Variants in IFIT1B observed in about 807,000 individuals in gnomAD.
The protein encoded by IFIT1B is interferon induced protein with tetratricopeptide repeats 1B.
A neutral mutation model predicts 2.5 loss-of-function variants in IFIT1B; 3 were observed. The observed-to-expected ratio is 1.21, with a 90% confidence interval of 0.55 to 3.14. The LOEUF (loss-of-function observed/expected upper bound fraction) is 3.14, where lower values mean the gene tolerates loss of function less well. Ranked by LOEUF, IFIT1B falls within the 30% of genes most tolerant of loss-of-function variation. IFIT1B has a pLI of 0.03. For missense variants in IFIT1B, 545 were observed against 556.5 expected, an observed-to-expected ratio of 0.98 and a Z score of 0.21; for synonymous variants, 196 against 203.0, an observed-to-expected ratio of 0.97 and a Z score of 0.29.
Position 89,384,067 on chromosome 10 carries a change from T to C in IFIT1B, c.754T>C (p.Tyr252His). ...EALTSISSQA[Y>H]VFQYAAKFYR... is the part of the protein sequence containing the mutation. ...TCTGACCAGTATATCTTCACAGGCC[T>C]ATGTCTTTCAATATGCAGCCAAGTT... Residue 252 changes from tyrosine (Y) to histidine (H), a missense_variant, in exon 2 of 2, where the codon TAT (tyrosine) becomes CAT (histidine). Physicochemically the swap from Tyr to His is moderately conservative, Grantham distance 83. Transcript: ENST00000371809. 1 of 1,614,224 alleles carries C rather than the reference T, an allele frequency of 6.2e-7. No homozygotes were observed. Among genetic ancestry groups the C allele is most frequent in the Non-Finnish European group, 8.5e-7 (1 of 1,180,034 alleles).
Position 89,384,214 on chromosome 10 carries a change from C to T in IFIT1B, c.901C>T (p.Gln301Ter), listed in dbSNP as rs1844186029. The change falls in exon 2 of 2, where the codon CAA becomes TAA. Residue 301 changes from glutamine to a stop codon, truncating the protein, a stop_gained. Coordinates refer to ENST00000371809, the MANE Select transcript of IFIT1B (RefSeq NM_001010987.2). LOFTEE classifies it low-confidence loss of function (END_TRUNC). ...GCTTTGCTACAGGGCACAAATGATC[C>T]AAATCAAGGAAGCTACAAACTGGCA... The part of the protein sequence containing the change: ...MGLCYRAQMI[Q>*]IKEATNWQPR... The T allele has an allele frequency of 6.2e-7, 1 of 1,614,132 alleles. No individual in the cohort carries two copies. Among genetic ancestry groups the T allele is most frequent in the Non-Finnish European group, 8.5e-7 (1 of 1,179,996 alleles).
rs1459623949 is a variant in IFIT1B, at chr10:89,383,962, G to C, written c.649G>C (p.Val217Leu). The C allele has an allele frequency of 6.2e-7, 1 of 1,614,220 alleles. No homozygotes were observed. Among genetic ancestry groups the C allele is most frequent in the Non-Finnish European group, 8.5e-7 (1 of 1,180,048 alleles). Residue 217 changes from valine to leucine, a missense_variant, in exon 2 of 2, where the codon GTA becomes CTA. Coordinates refer to ENST00000371809, the MANE Select transcript of IFIT1B (RefSeq NM_001010987.2). Reference protein sequence around the residue: ...KRAVRLNPDDVYIRVLLALKL... With the variant: ...KRAVRLNPDDLYIRVLLALKL... ...AGCTGTCAGGCTAAATCCAGATGAT[G>C]TATATATTAGGGTTCTCCTTGCCCT...
intron 1 of IFIT1B, among the ~76,000 whole-genome samples, chr10:89,378,844 C>A (rs541828801): frequency 6.6e-6 from 1 of 152,148 alleles, no homozygotes; most frequent in Non-Finnish European, 1.5e-5. Context: ...AGGAAATAAA[C>A]GAGAAAGCAA....
At position 89,384,415 on chromosome 10, in the gene IFIT1B, C is replaced by G. The variant is rs140342484; in HGVS notation, c.1102C>G (p.Arg368Gly). The change falls in exon 2 of 2, where the codon CGC becomes GGC. Residue 368 changes from arginine (R) to glycine (G), a missense_variant. Arg to Gly is a moderately radical substitution (Grantham distance 125, BLOSUM62 -2). Transcript: ENST00000371809. ...TGAGGAACATTTTCAGAAAGGGTTA[C>G]GCATGAAGATCTTTGAAGATCAGCT... ...KAEEHFQKGL[R>G]MKIFEDQLKQ... 6.2e-7 allele frequency: 1 copy of G among 1,614,120 alleles called. No individual in the cohort carries two copies. Among genetic ancestry groups the G allele is most frequent in the South Asian group, 1.1e-5 (1 of 91,090 alleles).
At chr10:89,378,852 C>T (rs995404279) in intron 1 of IFIT1B, among the ~76,000 whole-genome samples, 1 of 152,164 alleles carries the variant, frequency 6.6e-6, no homozygotes, top group African/African-American at 2.4e-5. Context: ...AACGAGAAAG[C>T]AATCTTATTT....
At chr10:89,378,753 T>G (rs536531786) in intron 1 of IFIT1B, among the ~76,000 whole-genome samples, 1 of 152,318 alleles carries the variant, frequency 6.6e-6, no homozygotes, top group African/African-American at 2.4e-5. Context: ...TGAGAATATA[T>G]GTAGAGGCAA....
intron 1 of IFIT1B, 126 bp downstream of exon 1, chr10:89,378,266 TG>T (rs552937806): frequency 1.1e-6 from 1 of 873,828 alleles, no homozygotes; most frequent in South Asian, 1.4e-5. Flanking sequence ...GTTCTGACCC[TG>T]ATAGGCACCC....
chr10:89,379,561 GAT>G (rs2133601774), intron 1 of IFIT1B, among the ~76,000 whole-genome samples: 1 of 152,294 alleles, frequency 6.6e-6, no homozygotes, highest in East Asian at 1.9e-4. Context: ...TCTCCCATCT[GAT>G]GTTGCAGTCA....
Position 89,384,348 on chromosome 10 carries a change from C to T in IFIT1B, c.1035C>T (p.Asp345=), listed in dbSNP as rs539259581. 3.1e-6 allele frequency: 5 copies of T among 1,614,108 alleles called. No homozygotes were observed. Among genetic ancestry groups the T allele is most frequent in the Admixed American group, 3.3e-5 (2 of 60,024 alleles). ...GAACATTTGAGATGGCCTATGTTGA[C>T]CTGGCTGAAACGTATGCAGAAATAG... ...LKRTFEMAYV[D]LAETYAEIGH... is the part of the protein sequence containing the mutation. The change falls in exon 2 of 2, where the codon GAC becomes GAT. Residue 345 remains aspartate, a synonymous_variant. Coordinates refer to ENST00000371809, the MANE Select transcript of IFIT1B (RefSeq NM_001010987.2).
intron 1 of IFIT1B, 90 bp downstream of exon 1, chr10:89,378,230 C>A: frequency 7.6e-7 from 1 of 1,314,200 alleles, no homozygotes; most frequent in Admixed American, 1.7e-5. Context: ...GACAGGCCTT[C>A]TCCTAAGGGA....
Position 89,383,317 on chromosome 10 carries a change from A to G in IFIT1B, c.6-2A>G. ...GTAATTAATTGCTGCCTATTTTTAC[A>G]GTGAAGAATCTGATGGAAAGCTTAT... On this transcript the variant is annotated splice_acceptor_variant, in intron 1 of 1. Coordinates refer to ENST00000371809, the MANE Select transcript of IFIT1B (RefSeq NM_001010987.2). LOFTEE classifies it high-confidence loss of function. 6.2e-7 allele frequency: 1 copy of G among 1,601,544 alleles called. No homozygotes were observed. The highest frequency in any genetic ancestry group is 8.5e-7 in the Non-Finnish European group (1 of 1,174,384).
Position 89,385,099 on chromosome 10 carries a change from TC to T in IFIT1B, c.*362del, listed in dbSNP as rs1844200889. On this transcript the variant is annotated 3_prime_UTR_variant, in exon 2 of 2. Transcript: ENST00000371809. ...CTGTTTACTGCCTATGTAAGTGAAA[TC>T]TTAACTTCCCCATTTTGGAATGCTG... 5.7e-6 allele frequency: 1 copy of T among 175,120 alleles called. No individual in the cohort carries two copies. Among genetic ancestry groups the T allele is most frequent in the Non-Finnish European group, 1.2e-5 (1 of 82,478 alleles). 10.8% of individuals were successfully genotyped at this position (175,120 alleles called of 1,614,324 possible).
Position 89,378,131 on chromosome 10 carries a change from G to C in IFIT1B, c.-5G>C. On this transcript the variant is annotated 5_prime_UTR_variant, in exon 1 of 2. Coordinates refer to ENST00000371809, the MANE Select transcript of IFIT1B (RefSeq NM_001010987.2). ...CTACAGATCACCTGCTATCTTCATAGCACCATGAGGTAAAGTCTTTCTCTG... is the reference window on the plus strand; with the variant it reads ...CTACAGATCACCTGCTATCTTCATACCACCATGAGGTAAAGTCTTTCTCTG... 6.2e-7 allele frequency: 1 copy of C among 1,613,936 alleles called. No individual in the cohort carries two copies. The highest frequency in any genetic ancestry group is 8.5e-7 in the Non-Finnish European group (1 of 1,179,852).
intron 1 of IFIT1B, among the ~76,000 whole-genome samples, chr10:89,382,621 T>C (rs1368792472): frequency 6.6e-6 from 1 of 152,212 alleles, no homozygotes; most frequent in Non-Finnish European, 1.5e-5. Flanking sequence ...TGCCACTTCT[T>C]CAAAGAGACA....
chr10:89,384,781 T>C lies in IFIT1B; in HGVS notation c.*43T>C. 1.4e-6 allele frequency: 2 copies of C among 1,413,594 alleles called. No individual in the cohort carries two copies. Among genetic ancestry groups the C allele is most frequent in the South Asian group, 2.6e-5 (2 of 75,852 alleles). 87.6% of individuals were successfully genotyped at this position (1,413,594 alleles called of 1,614,324 possible). A position where few individuals can be genotyped will look rare whatever the true frequency, so the allele number is the denominator to read the frequency against. On this transcript the variant is annotated 3_prime_UTR_variant, in exon 2 of 2. Coordinates refer to ENST00000371809, the MANE Select transcript of IFIT1B (RefSeq NM_001010987.2). ...TCCATTTAATGGTCTTATAACTAAATAGAATGACTATGAAATTAAATAATG... is the reference window on the plus strand; with the variant it reads ...TCCATTTAATGGTCTTATAACTAAACAGAATGACTATGAAATTAAATAATG...
chr10:89,381,228 C>A (rs1218377161), intron 1 of IFIT1B, among the ~76,000 whole-genome samples: 1 of 152,120 alleles, frequency 6.6e-6, no homozygotes. Context: ...ATTATTTTCC[C>A]TGGGTAGTGT....
chr10:89,381,620 GT>G (rs1160316238), intron 1 of IFIT1B, among the ~76,000 whole-genome samples: 1 of 152,094 alleles, frequency 6.6e-6, no homozygotes, highest in East Asian at 1.9e-4. Flanking sequence ...ATAGTAGGGA[GT>G]TTTTTAGATG....
At position 89,384,598 on chromosome 10, in the gene IFIT1B, T is replaced by C. The variant is rs1199868914; in HGVS notation, c.1285T>C (p.Cys429Arg). Residue 429 changes from cysteine to arginine, a missense_variant, in exon 2 of 2, where the codon TGT becomes CGT. Cys to Arg is a radical substitution (Grantham distance 180). Coordinates refer to ENST00000371809, the MANE Select transcript of IFIT1B (RefSeq NM_001010987.2). ...TGCTTTAGAGAAATTGGCTAAAAGA[T>C]GTATTCACCAGAATGTACGGGTTGT... ...LNALEKLAKR[C>R]IHQNVRVVES... The C allele has an allele frequency of 1.2e-6, 2 of 1,614,170 alleles. No individual in the cohort carries two copies. The highest frequency in any genetic ancestry group is 1.7e-6 in the Non-Finnish European group (2 of 1,180,010).
At chr10:89,379,032 G>A (rs1844142122) in intron 1 of IFIT1B, among the ~76,000 whole-genome samples, 1 of 152,198 alleles carries the variant, frequency 6.6e-6, no homozygotes, top group African/African-American at 2.4e-5. Context: ...ACTCTTTTAG[G>A]CATCCAGGTG....
Sources: allele counts gnomAD v4.1 joint callset (sites outside exome capture counted in the v4.1 genomes callset), GRCh38; gene constraint gnomAD v4.1.1; transcripts MANE v1.5; gene names NCBI Gene and HGNC (gene_info 2026-07-23, HGNC 2026-07-21).